Variants in CNTN5 observed in about 807,000 individuals in gnomAD.
CNTN5 encodes the protein contactin-5.
CNTN5 carries 77 observed loss-of-function variants against 129.1 expected under a neutral mutation model. That is an observed-to-expected ratio of 0.60 (90% CI 0.50 to 0.72). The LOEUF (loss-of-function observed/expected upper bound fraction) is 0.72, where lower values mean the gene tolerates loss of function less well. CNTN5 is among the 30% of genes least tolerant of loss of function. The probability of loss-of-function intolerance (pLI) is 0.00; values close to 1 mark genes in which losing one functional copy is unlikely to be tolerated. For missense variants in CNTN5, 1,478 were observed against 1,328.8 expected, an observed-to-expected ratio of 1.11 and a Z score of -1.75; for synonymous variants, 509 against 465.6, an observed-to-expected ratio of 1.09 and a Z score of -1.20.
chr11:100,052,937 A>G lies in CNTN5; in HGVS notation c.981-8275A>G, dbSNP rs147137303. On this transcript the variant is annotated intron_variant, in intron 9 of 24. Coordinates refer to ENST00000524871, the MANE Select transcript of CNTN5 (RefSeq NM_014361.4). Reference sequence around the variant, plus strand: ...TTCTAAAGTCCATCAAAAAAATGCCACTTTATTCAATAGGGAAAGGGTAAT... The same window carrying G: ...TTCTAAAGTCCATCAAAAAAATGCCGCTTTATTCAATAGGGAAAGGGTAAT... 7.8e-3 allele frequency among the ~76,000 whole-genome samples: 1,183 copies of G among 151,870 alleles called. 4 individuals carry two copies. The highest frequency in any genetic ancestry group is 0.012 in the Non-Finnish European group (824 of 67,682).
intron 23 of CNTN5, among the ~76,000 whole-genome samples, chr11:100,346,009 T>G (rs1952270707): frequency 6.6e-6 from 1 of 152,146 alleles, no homozygotes; most frequent in Admixed American, 6.6e-5. Context: ...ATTTATGACT[T>G]TTCTTCAGGT....
At chr11:99,355,850 G>A (rs1483634261) in intron 2 of CNTN5, among the ~76,000 whole-genome samples, 2 of 144,604 alleles carry the variant, frequency 1.4e-5, no homozygotes, top group Non-Finnish European at 3.0e-5. Flanking sequence ...TTTTTGAGAC[G>A]GAATCTCGCT....
At chr11:99,030,554 A>G (rs988484758) in intron 1 of CNTN5, among the ~76,000 whole-genome samples, 1 of 152,164 alleles carries the variant, frequency 6.6e-6, no homozygotes, top group Non-Finnish European at 1.5e-5. Context: ...TCCCTTTACA[A>G]AATTATTTAG....
chr11:100,210,269 G>A (rs1405081993), intron 15 of CNTN5, among the ~76,000 whole-genome samples: 1 of 148,836 alleles, frequency 6.7e-6, no homozygotes, highest in Admixed American at 6.8e-5. Context: ...AGGATCGCTT[G>A]AGCCCAGGAG....
intron 6 of CNTN5, among the ~76,000 whole-genome samples, chr11:99,853,317 T>C (rs959873997): frequency 2.0e-5 from 3 of 152,076 alleles, no homozygotes; most frequent in African/African-American, 7.2e-5. Context: ...TAGATATACA[T>C]AGAGCTATAG....
chr11:99,309,306 AAT>A (rs1434466447), intron 1 of CNTN5, among the ~76,000 whole-genome samples: 2 of 152,016 alleles, frequency 1.3e-5, no homozygotes, highest in Non-Finnish European at 2.9e-5. Flanking sequence ...TCCTTAAAAA[AAT>A]GTTTCACTTT....
At chr11:100,193,022 T>C (rs1222758578) in intron 14 of CNTN5, among the ~76,000 whole-genome samples, 1 of 151,962 alleles carries the variant, frequency 6.6e-6, no homozygotes, top group Admixed American at 6.6e-5. Flanking sequence ...AAGATAGTTA[T>C]TTGGAGGGAG....
Position 99,788,231 on chromosome 11 carries a change from C to T in CNTN5, c.56-31313C>T, listed in dbSNP as rs61911579. Among the ~76,000 whole-genome samples the T allele has an allele frequency of 6.1e-3, 922 of 151,934 alleles. 6 individuals are homozygous for T. The highest frequency in any genetic ancestry group is 0.01 in the Non-Finnish European group (704 of 67,790). On this transcript the variant is annotated intron_variant, in intron 3 of 24. Transcript: ENST00000524871. Reference sequence around the variant, plus strand: ...ACTTCAACATCTTCCTCTCTGAATTCCTCCATTAATGAATACTGTCTATTC... The same window carrying T: ...ACTTCAACATCTTCCTCTCTGAATTTCTCCATTAATGAATACTGTCTATTC...
intron 1 of CNTN5, among the ~76,000 whole-genome samples, chr11:99,092,315 T>C (rs1447614970): frequency 6.6e-6 from 1 of 152,138 alleles, no homozygotes; most frequent in African/African-American, 2.4e-5. Flanking sequence ...TATTTTGCTT[T>C]ATTGTGCAAA....
intron 3 of CNTN5, among the ~76,000 whole-genome samples, chr11:99,707,768 A>G (rs1954815190): frequency 6.6e-6 from 1 of 151,626 alleles, no homozygotes; most frequent in South Asian, 2.1e-4. Context: ...TCCTTGTTAA[A>G]ATGTTTAGCC....
chr11:99,202,113 T>C lies in CNTN5; in HGVS notation c.-209-123233T>C, dbSNP rs187850382. Among the ~76,000 whole-genome samples the C allele has an allele frequency of 1.6e-4, 25 of 152,366 alleles. 1 individual carries two copies. In the East Asian group the frequency reaches 4.6e-3, roughly 28 times the overall value. ...ATGATTTTATGATCAGTTCATTTTT[T>C]AATTATTTTGAATCCATAGACTTCT... On this transcript the variant is annotated intron_variant, in intron 1 of 24. Coordinates refer to ENST00000524871, the MANE Select transcript of CNTN5 (RefSeq NM_014361.4).
At chr11:99,488,606 G>A (rs924816901) in intron 2 of CNTN5, among the ~76,000 whole-genome samples, 7 of 152,134 alleles carry the variant, frequency 4.6e-5, no homozygotes, top group African/African-American at 1.7e-4. Flanking sequence ...AAAGTTGGGT[G>A]TATCATCACT....
intron 3 of CNTN5, among the ~76,000 whole-genome samples, chr11:99,740,205 T>C (rs1182289519): frequency 2.0e-5 from 3 of 152,088 alleles, no homozygotes; most frequent in Admixed American, 6.6e-5. Flanking sequence ...ATTAATGTGG[T>C]CAATAAGAAC....
At chr11:99,499,258 T>C (rs1946340424) in intron 2 of CNTN5, among the ~76,000 whole-genome samples, 1 of 152,142 alleles carries the variant, frequency 6.6e-6, no homozygotes, top group Admixed American at 6.5e-5. Flanking sequence ...CCTAGTGCTA[T>C]GGTTTGAATG....
At chr11:100,239,993 A>C (rs1400980554) in intron 16 of CNTN5, among the ~76,000 whole-genome samples, 2 of 152,212 alleles carry the variant, frequency 1.3e-5, no homozygotes, top group African/African-American at 4.8e-5. Context: ...TTATTAGTAA[A>C]CTTCATTTGA....
At chr11:99,538,746 A>G (rs1266692377) in intron 2 of CNTN5, among the ~76,000 whole-genome samples, 2 of 152,136 alleles carry the variant, frequency 1.3e-5, no homozygotes, top group Non-Finnish European at 1.5e-5. Flanking sequence ...TTATTTTGCA[A>G]CCACAATTTA....
intron 3 of CNTN5, among the ~76,000 whole-genome samples, chr11:99,786,757 G>A (rs919900955): frequency 2.0e-5 from 3 of 152,096 alleles, no homozygotes; most frequent in African/African-American, 7.2e-5. Context: ...AATGGAGAAA[G>A]GATTCCCTAT....
intron 1 of CNTN5, among the ~76,000 whole-genome samples, chr11:99,218,027 A>T (rs1356011043): frequency 2.6e-5 from 4 of 152,136 alleles, no homozygotes; most frequent in Non-Finnish European, 5.9e-5. Flanking sequence ...TCACAAAAAG[A>T]TTACATTTAT....
intron 2 of CNTN5, among the ~76,000 whole-genome samples, chr11:99,349,186 G>A (rs1504737): frequency 0.33 from 50,102 of 152,002 alleles, 8,724 homozygotes; most frequent in South Asian, 0.4. Context: ...GAATGTGCCC[G>A]ATCGTGTCTG....
Sources: gnomAD v4.1 joint callset for allele counts (sites outside exome capture counted in the v4.1 genomes callset) on GRCh38, gnomAD v4.1.1 for gene constraint, MANE v1.5 for transcripts, NCBI Gene and HGNC (gene_info 2026-07-23, HGNC 2026-07-21) for gene names.